Variants in IFT122 observed in about 807,000 individuals in gnomAD.
The protein encoded by IFT122 is intraflagellar transport 122, also known as intraflagellar transport protein 122 homolog.
A neutral mutation model predicts 161.6 loss-of-function variants in IFT122; 118 were observed. The ratio of observed to expected loss-of-function variants is 0.73; its 90% CI spans 0.63 to 0.85. IFT122 has a LOEUF of 0.85. Among genes scored for constraint, IFT122 ranks in the 40% least tolerant of loss-of-function variants. IFT122 has a pLI of 0.00. For synonymous variants in IFT122, 550 were observed against 602.4 expected, an observed-to-expected ratio of 0.91 and a Z score of 1.27; for missense variants, 1,381 against 1,579.6, an observed-to-expected ratio of 0.87 and a Z score of 2.13.
At chr3:129,517,679 G>A (rs2084157667) in intron 27 of IFT122, 85 bp downstream of exon 27, 3 of 1,530,760 alleles carry the variant, frequency 2.0e-6, no homozygotes, top group Non-Finnish European at 2.7e-6. Flanking sequence ...CCCAGTCCCA[G>A]GGGATCGCGG....
chr3:129,448,918 C>T (rs892758602), intron 1 of IFT122, among the ~76,000 whole-genome samples: 4 of 152,094 alleles, frequency 2.6e-5, no homozygotes, highest in African/African-American at 7.2e-5. Context: ...AGGCTGGTCT[C>T]GAACTCCTGA....
At chr3:129,465,151 GTGTGTGTGT>G (rs1339190780) in intron 7 of IFT122, among the ~76,000 whole-genome samples, 2 of 130,994 alleles carry the variant, frequency 1.5e-5, no homozygotes, top group Non-Finnish European at 3.1e-5. Context: ...GTGTGTGTGT[GTGTGTGTGT>G]GGTGTGTGAG....
chr3:129,481,990 G>A lies in IFT122; in HGVS notation c.1653+296G>A, dbSNP rs115708303. Among the ~76,000 whole-genome samples, 1,384 of 152,348 alleles carry A rather than the reference G, an allele frequency of 9.1e-3. 22 individuals are homozygous for A. The highest frequency in any genetic ancestry group is 0.032 in the African/African-American group (1,314 of 41,584). On this transcript the variant is annotated intron_variant, in intron 14 of 29. Coordinates refer to ENST00000348417, the MANE Select transcript of IFT122 (RefSeq NM_052989.3). ...GCGTTTACCATGAACAAGAAATGGG[G>A]CAATGACTCTGAGAGGGGTGTGACG...
chr3:129,497,151 C>T (rs537468030), intron 18 of IFT122, among the ~76,000 whole-genome samples: 1 of 152,180 alleles, frequency 6.6e-6, no homozygotes, highest in African/African-American at 2.4e-5. Flanking sequence ...TGCCTGTAGT[C>T]CCAGCTACTG....
At chr3:129,466,181 C>T (rs942128905) in intron 7 of IFT122, among the ~76,000 whole-genome samples, 10 of 152,114 alleles carry the variant, frequency 6.6e-5, no homozygotes, top group African/African-American at 2.2e-4. Flanking sequence ...TGAGGGTAAA[C>T]GAAAGGTCCT....
At chr3:129,516,321 G>GCA (rs562463599) in intron 26 of IFT122, among the ~76,000 whole-genome samples, 9 of 70,208 alleles carry the variant, frequency 1.3e-4, no homozygotes, top group South Asian at 6.0e-4. Context: ...GACTGCCCCT[G>GCA]CACACACACA....
chr3:129,508,484 A>C (rs2082423796), intron 23 of IFT122, among the ~76,000 whole-genome samples: 1 of 152,192 alleles, frequency 6.6e-6, no homozygotes, highest in Non-Finnish European at 1.5e-5. Flanking sequence ...ACAGATGAGA[A>C]TGAAGCCCTA....
intron 4 of IFT122, among the ~76,000 whole-genome samples, chr3:129,460,049 C>T (rs2076060156): frequency 6.6e-6 from 1 of 152,010 alleles, no homozygotes. Flanking sequence ...TGCACCTGGC[C>T]TCTTTTCAAT....
At chr3:129,504,133 C>G (rs2081939387) in intron 20 of IFT122, 186 bp from the exon 21 acceptor site, 1 of 599,880 alleles carries the variant, frequency 1.7e-6, no homozygotes, top group South Asian at 1.9e-5. Context: ...TGTTAATTGC[C>G]TTTTGTTTTC....
chr3:129,476,488 A>G lies in IFT122; in HGVS notation c.990A>G (p.Lys330=). 1 of 1,613,956 alleles carries G rather than the reference A, an allele frequency of 6.2e-7. No individual in the cohort carries two copies. Among genetic ancestry groups the G allele is most frequent in the Admixed American group, 1.7e-5 (1 of 59,996 alleles). ...QNSWVWTCQA[K]PDSNYVVVGC... ...CCTGGGTGTGGACGTGTCAAGCGAA[A>G]CCGGATTCCAACTATGTGGTAAGAA... is the stretch of plus-strand genomic sequence containing the variant. The change falls in exon 10 of 30, where the codon AAA becomes AAG. Residue 330 remains lysine, a synonymous_variant. Coordinates refer to ENST00000348417, the MANE Select transcript of IFT122 (RefSeq NM_052989.3).
At chr3:129,512,769 G>A (rs1011752530) in intron 24 of IFT122, 2 of 364,192 alleles carry the variant, frequency 5.5e-6, no homozygotes, top group African/African-American at 4.2e-5. Flanking sequence ...CTGGGGAGGA[G>A]GGAGTGTTTG....
At chr3:129,477,736 G>A (rs2078130262) in intron 11 of IFT122, among the ~76,000 whole-genome samples, 1 of 152,232 alleles carries the variant, frequency 6.6e-6, no homozygotes, top group Admixed American at 6.5e-5. Flanking sequence ...GTGCTGTGCA[G>A]AGGAGTTTAT....
chr3:129,482,915 A>G (rs1301389615), intron 14 of IFT122, among the ~76,000 whole-genome samples: 1 of 152,176 alleles, frequency 6.6e-6, no homozygotes, highest in Non-Finnish European at 1.5e-5. Context: ...TATAGGGGGC[A>G]TAGCTGGCCC....
chr3:129,458,532 A>G (rs190278519), intron 3 of IFT122, 67 bp from the exon 4 acceptor site: 2 of 1,366,290 alleles, frequency 1.5e-6, no homozygotes, highest in African/African-American at 2.8e-5. Flanking sequence ...AGTTTTCTAA[A>G]GAATTCTCTC....
chr3:129,519,421 G>A, intron 28 of IFT122, 147 bp from the exon 29 acceptor site: 1 of 1,171,982 alleles, frequency 8.5e-7, no homozygotes, highest in Non-Finnish European at 1.2e-6. Flanking sequence ...CAGCTCTGGT[G>A]GGAGGAGCTT....
At chr3:129,505,079 T>A (rs539695764) in intron 21 of IFT122, among the ~76,000 whole-genome samples, 2 of 152,340 alleles carry the variant, frequency 1.3e-5, no homozygotes, top group African/African-American at 4.8e-5. Flanking sequence ...TCATATTTTT[T>A]AAAGTTGACT....
chr3:129,441,770 G>A (rs539454968), intron 1 of IFT122, among the ~76,000 whole-genome samples: 9 of 152,170 alleles, frequency 5.9e-5, no homozygotes, highest in South Asian at 2.1e-4. Flanking sequence ...AAACACAGCC[G>A]TATCAGTGAA....
intron 16 of IFT122, among the ~76,000 whole-genome samples, chr3:129,488,681 G>A (rs1337217224): frequency 6.6e-6 from 1 of 152,040 alleles, no homozygotes; most frequent in Non-Finnish European, 1.5e-5. Flanking sequence ...GGAGCAGCAT[G>A]TCAGATTCTG....
At chr3:129,497,701 T>C (rs1221228757) in intron 18 of IFT122, among the ~76,000 whole-genome samples, 2 of 152,324 alleles carry the variant, frequency 1.3e-5, no homozygotes, top group Admixed American at 6.5e-5. Context: ...TAGTTTTTGA[T>C]CACTATTCCA....
Sources: allele counts gnomAD v4.1 joint callset (sites outside exome capture counted in the v4.1 genomes callset), GRCh38; gene constraint gnomAD v4.1.1; transcripts MANE v1.5; gene names NCBI Gene and HGNC (gene_info 2026-07-23, HGNC 2026-07-21).